Variants in MED12 observed in about 807,000 individuals in gnomAD.
The protein encoded by MED12 is mediator of RNA polymerase II transcription subunit 12.
Under a neutral mutation model 177.7 loss-of-function variants are expected in MED12, and 10 were observed. The ratio of observed to expected loss-of-function variants is 0.06; its 90% CI spans 0.03 to 0.10. The LOEUF (loss-of-function observed/expected upper bound fraction) is 0.10, where lower values mean the gene tolerates loss of function less well. Among genes scored for constraint, MED12 ranks in the 10% least tolerant of loss-of-function variants. The pLI is 1.00. For synonymous variants in MED12, 641 were observed against 678.4 expected, an observed-to-expected ratio of 0.94 and a Z score of 0.86; for missense variants, 867 against 1,780.8, an observed-to-expected ratio of 0.49 and a Z score of 9.23.
Position 71,141,340 on chromosome X carries a change from TCCCCAA to T in MED12, c.6384_6389del (p.Pro2131_Gln2132del). The T allele has an allele frequency of 1.7e-6, 2 of 1,155,055 alleles. No homozygotes were observed. The highest frequency in any genetic ancestry group is 2.3e-6 in the Non-Finnish European group (2 of 867,137). Reference sequence around the variant, plus strand: ...AGCAACAGCAGCAACAGGCGGCTCCTCCCCAACCCCAGCCCCAGTCCCAGCCCCAGG... The same window carrying T: ...AGCAACAGCAGCAACAGGCGGCTCCTCCCCAGCCCCAGTCCCAGCCCCAGG... On this transcript the variant is annotated inframe_deletion, in exon 43 of 45. Transcript: ENST00000374080.
intron 41 of MED12, among the ~76,000 whole-genome samples, chrX:71,139,597 G>A (rs1237058707): frequency 9.1e-6 from 1 of 110,420 alleles, no homozygotes; most frequent in Non-Finnish European, 1.9e-5. Flanking sequence ...TGTACTGGAA[G>A]GTGCAAGAAG....
In MED12 at chrX:71,141,344, C is replaced by A; in HGVS notation, c.6382C>A (p.Gln2128Lys). Residue 2128 changes from glutamine to lysine, a missense_variant, in exon 43 of 45, where the codon CAA becomes AAA. By Grantham distance (53) the Gln-to-Lys change is moderately conservative. Coordinates refer to ENST00000374080, the MANE Select transcript of MED12 (RefSeq NM_005120.3). ...ACAGCAGCAACAGGCGGCTCCTCCC[C>A]AACCCCAGCCCCAGTCCCAGCCCCA... ...QQQQQQAAPP[Q>K]PQPQSQPQFQ... is the part of the protein sequence containing the mutation. 1 of 1,166,540 alleles carries A rather than the reference C, an allele frequency of 8.6e-7. No individual in the cohort carries two copies. Among genetic ancestry groups the A allele is most frequent in the Non-Finnish European group, 1.1e-6 (1 of 872,110 alleles).
Position 71,142,272 on chromosome X carries a change from A to G in MED12, c.*54A>G. On this transcript the variant is annotated 3_prime_UTR_variant, in exon 45 of 45. Coordinates refer to ENST00000374080, the MANE Select transcript of MED12 (RefSeq NM_005120.3). ...GATGTGGCCCCACCCTTTCCTCTTAATTCCCAATCCCATTCCTGGGCTAGC... is the reference window on the plus strand; with the variant it reads ...GATGTGGCCCCACCCTTTCCTCTTAGTTCCCAATCCCATTCCTGGGCTAGC... 1 of 1,142,069 alleles carries G rather than the reference A, an allele frequency of 8.8e-7. No homozygotes were observed. The highest frequency in any genetic ancestry group is 1.2e-6 in the Non-Finnish European group (1 of 832,134). 94.1% of individuals were successfully genotyped at this position (1,142,069 alleles called of 1,213,427 possible). A position where few individuals can be genotyped will look rare whatever the true frequency, so the allele number is the denominator to read the frequency against.
intron 8 of MED12, 55 bp downstream of exon 8, chrX:71,122,401 T>C: frequency 8.3e-7 from 1 of 1,201,136 alleles, no homozygotes; most frequent in Non-Finnish European, 1.1e-6. Flanking sequence ...GCTAAATTAC[T>C]CTTTCAGAAG....
chrX:71,124,123 TCTC>T (rs2092296781), intron 12 of MED12, 33 bp from the exon 13 acceptor site: 1 of 1,129,124 alleles, frequency 8.9e-7, no homozygotes, highest in African/African-American at 1.8e-5. Context: ...CTTTTTGTGT[TCTC>T]CTAACTTATG....
At chrX:71,127,171 C>A (rs746081067) in intron 20 of MED12, 39 bp downstream of exon 20, 1 of 1,185,520 alleles carries the variant, frequency 8.4e-7, no homozygotes, top group Non-Finnish European at 1.1e-6. Context: ...AAAGCTCTGG[C>A]GAATGCCGGT....
chrX:71,131,981 CCTT>C lies in MED12; in HGVS notation c.4120-89_4120-87del. ...CCCCATCAATCTCCGCCAGTGTTGT[CCTT>C]CTCCGTCATCTCCGATCTCTCCTAC... On this transcript the variant is annotated intron_variant, in intron 29 of 44. Coordinates refer to ENST00000374080, the MANE Select transcript of MED12 (RefSeq NM_005120.3). 4.7e-6 allele frequency: 4 copies of C among 853,354 alleles called. No homozygotes were observed. In the South Asian group the frequency reaches 6.2e-5, roughly 13 times the overall value. 70.3% of individuals were successfully genotyped at this position (853,354 alleles called of 1,213,427 possible).
In MED12 at chrX:71,118,648, C is replaced by T; in HGVS notation, c.-107C>T. Reference sequence around the variant, plus strand: ...AACGTGCCCCCTTGTTGTCTCTCGGCCGCCGTCCTCTCAACCACCGCCCCC... The same window carrying T: ...AACGTGCCCCCTTGTTGTCTCTCGGTCGCCGTCCTCTCAACCACCGCCCCC... On this transcript the variant is annotated 5_prime_UTR_variant, in exon 1 of 45. Coordinates refer to ENST00000374080, the MANE Select transcript of MED12 (RefSeq NM_005120.3). 1.4e-6 allele frequency: 1 copy of T among 693,130 alleles called. No homozygotes were observed. The highest frequency in any genetic ancestry group is 2.3e-6 in the Non-Finnish European group (1 of 443,458). The allele number at this position is 693,130 out of a possible 1,213,427, so 57.1% of individuals were successfully genotyped here.
intron 31 of MED12, 33 bp downstream of exon 31, chrX:71,132,571 G>C (rs372112475): frequency 1.7e-6 from 2 of 1,157,697 alleles, no homozygotes; most frequent in African/African-American, 1.8e-5. Flanking sequence ...CCAAGATTGA[G>C]GGGTAGAAAG....
chrX:71,141,837 A>G (rs771983393), intron 43 of MED12, 46 bp from the exon 44 acceptor site: 9 of 1,127,302 alleles, frequency 8.0e-6, no homozygotes, highest in Non-Finnish European at 9.7e-6. Context: ...AGGTTGAAGA[A>G]GGAGAAAAGT....
At chrX:71,131,970 G>A (rs777984926) in intron 29 of MED12, 103 bp from the exon 30 acceptor site, 6 of 761,536 alleles carry the variant, frequency 7.9e-6, no homozygotes, top group Non-Finnish European at 1.2e-5. Flanking sequence ...ATCAATCTCC[G>A]CCAGTGTTGT....
intron 33 of MED12, 32 bp from the exon 34 acceptor site, chrX:71,134,325 G>T (rs1209582451): frequency 1.2e-6 from 1 of 868,422 alleles, no homozygotes; most frequent in South Asian, 2.1e-5. Context: ...TTGTCCCTGA[G>T]CCATCTGACT....
Position 71,137,385 on chromosome X carries a change from C to G in MED12, c.5748+2C>G. The stretch of plus-strand genomic sequence containing the variant: ...CAGCGCCTTCGCCAACAGCTCCAGG[C>G]AAAGATAGTGAGAGGGGCAGTAGGG... On this transcript the variant is annotated splice_donor_variant, in intron 39 of 44. Coordinates refer to ENST00000374080, the MANE Select transcript of MED12 (RefSeq NM_005120.3). LOFTEE classifies it high-confidence loss of function. 1.7e-6 allele frequency: 2 copies of G among 1,210,729 alleles called. No homozygotes were observed. Among genetic ancestry groups the G allele is most frequent in the Non-Finnish European group, 2.2e-6 (2 of 894,890 alleles).
At chrX:71,134,148 G>A (rs1442745115) in intron 33 of MED12, among the ~76,000 whole-genome samples, 16 of 107,023 alleles carry the variant, frequency 1.5e-4, no homozygotes, top group Non-Finnish European at 2.1e-4. Context: ...GGAGAATGGC[G>A]TGAACCCGGG....
chrX:71,140,895 A>C (rs766672161), intron 42 of MED12, 38 bp downstream of exon 42: 15 of 1,200,512 alleles, frequency 1.2e-5, no homozygotes, highest in Non-Finnish European at 1.7e-5. Flanking sequence ...CTGGGAGCCC[A>C]GGGAGGAAGA....
chrX:71,121,891 G>T, intron 7 of MED12, 75 bp downstream of exon 7: 2 of 1,183,374 alleles, frequency 1.7e-6, no homozygotes, highest in South Asian at 1.8e-5. Flanking sequence ...CAGAGAATAG[G>T]GGTAATTCCA....
In MED12 at chrX:71,126,955, G is replaced by A. The variant is rs2092304916; in HGVS notation, c.2686-14G>A. The A allele has an allele frequency of 1.7e-6, 2 of 1,207,410 alleles. No individual in the cohort carries two copies. The highest frequency in any genetic ancestry group is 1.7e-5 in the African/African-American group (1 of 57,197). On this transcript the variant is annotated splice_polypyrimidine_tract_variant and intron_variant, in intron 19 of 44. Coordinates refer to ENST00000374080, the MANE Select transcript of MED12 (RefSeq NM_005120.3). ...GGGCCTCTTTGCATTTCTCACCCCC[G>A]TTTACTCTGCTAGCTGCTGAATGAA...
At chrX:71,138,025 G>C in intron 41 of MED12, 82 bp downstream of exon 41, 5 of 967,645 alleles carry the variant, frequency 5.2e-6, no homozygotes, top group Non-Finnish European at 7.4e-6. Flanking sequence ...GCCTGAAAGT[G>C]GTGGGACTGG....
At position 71,128,825 on chromosome X, in the gene MED12, C is replaced by A. The variant is rs904123428; in HGVS notation, c.3475+107C>A. Reference sequence around the variant, plus strand: ...CTGTGGGAGACCTTGCTGCGGCTCCCTGGCCTTCCTCAGAAGGCCAGTCCT... The same window carrying A: ...CTGTGGGAGACCTTGCTGCGGCTCCATGGCCTTCCTCAGAAGGCCAGTCCT... On this transcript the variant is annotated intron_variant, in intron 24 of 44. Transcript: ENST00000374080. 4.0e-6 allele frequency: 4 copies of A among 995,064 alleles called. No homozygotes were observed. The African/African-American group carries it at 7.6e-5, about 19-fold the overall frequency. 82.0% of individuals were successfully genotyped at this position (995,064 alleles called of 1,213,427 possible).
Sources: gnomAD v4.1 joint callset for allele counts (sites outside exome capture counted in the v4.1 genomes callset) on GRCh38, gnomAD v4.1.1 for gene constraint, MANE v1.5 for transcripts, NCBI Gene and HGNC (gene_info 2026-07-23, HGNC 2026-07-21) for gene names.